The following HCN1 variants were observed in gnomAD, a reference collection of about 807,000 sequenced individuals.
HCN1 encodes the protein hyperpolarization activated cyclic nucleotide gated potassium channel 1.
Under a neutral mutation model 78.9 loss-of-function variants are expected in HCN1, and 13 were observed. That is an observed-to-expected ratio of 0.16 (90% CI 0.11 to 0.26). HCN1 has a LOEUF of 0.26. HCN1 is among the 10% of genes least tolerant of loss of function. HCN1 has a pLI of 1.00. For missense variants in HCN1, 810 were observed against 1,154.3 expected (o/e 0.70, Z 4.32); for synonymous variants, 552 against 455.5 (o/e 1.21, Z -2.70).
chr5:45,353,839 G>A (rs915100401), intron 4 of HCN1, among the ~76,000 whole-genome samples: 3 of 151,900 alleles, frequency 2.0e-5, no homozygotes, highest in Non-Finnish European at 4.4e-5. Context: ...ATCACGGTGA[G>A]ACTAGATCCA....
chr5:45,489,268 A>C (rs897035599), intron 2 of HCN1, among the ~76,000 whole-genome samples: 11 of 152,308 alleles, frequency 7.2e-5, no homozygotes, highest in African/African-American at 2.4e-4. Flanking sequence ...TGTGTTGGGA[A>C]GCTAGGGCAT....
chr5:45,499,966 G>C (rs1008630301), intron 2 of HCN1, among the ~76,000 whole-genome samples: 5 of 151,980 alleles, frequency 3.3e-5, no homozygotes, highest in Non-Finnish European at 5.9e-5. Context: ...AACACAGTCT[G>C]CATTGTCATT....
intron 5 of HCN1, among the ~76,000 whole-genome samples, chr5:45,348,345 C>A (rs1008432087): frequency 1.3e-5 from 2 of 151,806 alleles, no homozygotes; most frequent in Non-Finnish European, 2.9e-5. Context: ...CAGGCCTGCC[C>A]TAAAAGAGCT....
intron 4 of HCN1, among the ~76,000 whole-genome samples, chr5:45,374,278 A>G (rs1201305989): frequency 9.5e-6 from 1 of 105,692 alleles, no homozygotes. Context: ...TATATTATAT[A>G]CATTATATAC....
intron 1 of HCN1, among the ~76,000 whole-genome samples, chr5:45,682,255 T>TCATATATATATATATATA (rs1322524605): frequency 7.8e-5 from 10 of 127,906 alleles, no homozygotes; most frequent in African/African-American, 3.3e-4. Context: ...CAACAAGATA[T>TCATATATATATATATATA]CATATATATA....
intron 2 of HCN1, among the ~76,000 whole-genome samples, chr5:45,510,010 T>G (rs1282822875): frequency 2.0e-5 from 3 of 152,152 alleles, no homozygotes; most frequent in Non-Finnish European, 4.4e-5. Context: ...CTATCATCCA[T>G]GTAAATTAAC....
intron 2 of HCN1, among the ~76,000 whole-genome samples, chr5:45,469,696 C>T (rs1741348295): frequency 6.6e-6 from 1 of 151,588 alleles, no homozygotes; most frequent in African/African-American, 2.4e-5. Flanking sequence ...AAATAAAATA[C>T]CAATTTTTAA....
At chr5:45,345,595 C>T (rs1014531217) in intron 5 of HCN1, among the ~76,000 whole-genome samples, 8 of 152,222 alleles carry the variant, frequency 5.3e-5, no homozygotes, top group African/African-American at 1.9e-4. Flanking sequence ...GGGCAAAATG[C>T]CACCAGTCTC....
chr5:45,567,561 A>G (rs1297852993), intron 2 of HCN1, among the ~76,000 whole-genome samples: 2 of 216 alleles, frequency 9.3e-3, no homozygotes, highest in African/African-American at 0.02. Flanking sequence ...TTTAGGCTAC[A>G]CACACACACA....
At chr5:45,390,140 G>T (rs1739507398) in intron 4 of HCN1, among the ~76,000 whole-genome samples, 1 of 152,080 alleles carries the variant, frequency 6.6e-6, no homozygotes, top group African/African-American at 2.4e-5. Flanking sequence ...TTTCTCTCAT[G>T]GTGACTAATC....
chr5:45,569,597 C>A (rs1057062546), intron 2 of HCN1, among the ~76,000 whole-genome samples: 1 of 151,834 alleles, frequency 6.6e-6, no homozygotes. Context: ...ATTAATATTA[C>A]AAAAGAAATA....
intron 1 of HCN1, among the ~76,000 whole-genome samples, chr5:45,675,344 T>C (rs904708966): frequency 6.6e-6 from 1 of 151,770 alleles, no homozygotes; most frequent in African/African-American, 2.4e-5. Flanking sequence ...TGGCTGTTCC[T>C]TCCCTAAACA....
intron 2 of HCN1, among the ~76,000 whole-genome samples, chr5:45,496,775 A>T (rs990017998): frequency 2.6e-5 from 4 of 151,948 alleles, no homozygotes; most frequent in African/African-American, 9.7e-5. Context: ...TTGCTTTTCT[A>T]GTTCTTCTAA....
intron 5 of HCN1, among the ~76,000 whole-genome samples, chr5:45,329,115 T>C (rs983343813): frequency 6.6e-6 from 1 of 151,618 alleles, no homozygotes; most frequent in Non-Finnish European, 1.5e-5. Context: ...AAAAACTGTT[T>C]AAATATATGT....
At chr5:45,406,275 C>A (rs1739917782) in intron 3 of HCN1, among the ~76,000 whole-genome samples, 1 of 151,990 alleles carries the variant, frequency 6.6e-6, no homozygotes. Flanking sequence ...TATAAGCAAA[C>A]ATATTTTACA....
intron 1 of HCN1, among the ~76,000 whole-genome samples, chr5:45,653,659 T>C (rs974026969): frequency 6.6e-6 from 1 of 152,070 alleles, no homozygotes; most frequent in Non-Finnish European, 1.5e-5. Flanking sequence ...AATGAGGGTT[T>C]ATTATAGCAT....
intron 3 of HCN1, among the ~76,000 whole-genome samples, chr5:45,448,760 T>C (rs1740848629): frequency 6.6e-6 from 1 of 152,216 alleles, no homozygotes; most frequent in Non-Finnish European, 1.5e-5. Context: ...ATATCAACTC[T>C]AACTCACACA....
chr5:45,667,880 A>T (rs1232971329), intron 1 of HCN1, among the ~76,000 whole-genome samples: 1 of 151,878 alleles, frequency 6.6e-6, no homozygotes, highest in African/African-American at 2.4e-5. Flanking sequence ...TTTTCATTGC[A>T]TTTTCTCACC....
intron 4 of HCN1, among the ~76,000 whole-genome samples, chr5:45,374,964 G>A (rs1358826538): frequency 2.1e-5 from 3 of 141,816 alleles, no homozygotes; most frequent in African/African-American, 7.7e-5. Flanking sequence ...TTTGTCGACA[G>A]CAGTGTGGGA....
Sources: gnomAD v4.1 joint callset for allele counts (sites outside exome capture counted in the v4.1 genomes callset) on GRCh38, gnomAD v4.1.1 for gene constraint, MANE v1.5 for transcripts, NCBI Gene and HGNC (gene_info 2026-07-23, HGNC 2026-07-21) for gene names.